UBE2K: variants seen among roughly 807,000 people sequenced by gnomAD.
The protein encoded by UBE2K is ubiquitin-conjugating enzyme E2 K.
Under a neutral mutation model 30.0 loss-of-function variants are expected in UBE2K, and 6 were observed. The observed-to-expected ratio is 0.20, with a 90% confidence interval of 0.11 to 0.39. The LOEUF is 0.39. UBE2K is among the 10% of genes least tolerant of loss of function. The probability of loss-of-function intolerance (pLI) is 1.00; values close to 1 mark genes in which losing one functional copy is unlikely to be tolerated. For synonymous variants in UBE2K, 86 were observed against 83.7 expected (o/e 1.03, Z -0.15); for missense variants, 61 against 241.6 (o/e 0.25, Z 4.96).
chr4:39,746,658 A>G (rs725856), intron 3 of UBE2K, among the ~76,000 whole-genome samples: 16,736 of 152,048 alleles, frequency 0.11, 1,129 homozygotes, highest in East Asian at 0.22. Flanking sequence ...TCCACCCACA[A>G]TGTGGGTCTC....
intron 1 of UBE2K, among the ~76,000 whole-genome samples, chr4:39,721,306 A>T (rs538671484): frequency 1.3e-5 from 2 of 152,286 alleles, no homozygotes; most frequent in Middle Eastern, 3.4e-3. Flanking sequence ...CTTTTTAGGT[A>T]GCTTAGGCAA....
chr4:39,711,687 C>A (rs1718694731), intron 1 of UBE2K, among the ~76,000 whole-genome samples: 1 of 151,826 alleles, frequency 6.6e-6, no homozygotes, highest in Non-Finnish European at 1.5e-5. Flanking sequence ...TCAGCTTCTG[C>A]CTGACTGGAC....
intron 2 of UBE2K, among the ~76,000 whole-genome samples, chr4:39,739,710 G>A (rs865810305): frequency 6.6e-6 from 1 of 152,122 alleles, no homozygotes; most frequent in Non-Finnish European, 1.5e-5. Context: ...CTCCCAAAGT[G>A]CTGAGATTAC....
intron 4 of UBE2K, among the ~76,000 whole-genome samples, chr4:39,758,715 T>A (rs1232493557): frequency 1.3e-5 from 2 of 151,864 alleles, no homozygotes; most frequent in Non-Finnish European, 2.9e-5. Context: ...AGTTTGCAGA[T>A]GAAAACTTCC....
chr4:39,711,363 C>T (rs1294148383), intron 1 of UBE2K, among the ~76,000 whole-genome samples: 2 of 151,416 alleles, frequency 1.3e-5, no homozygotes, highest in South Asian at 2.1e-4. Context: ...AGGGTTTCAC[C>T]GTGTTAGCCT....
chr4:39,760,196 A>AAAAC (rs1711825905), intron 4 of UBE2K, among the ~76,000 whole-genome samples: 2 of 7,918 alleles, frequency 2.5e-4, no homozygotes, highest in African/African-American at 8.8e-4. Context: ...AAAAAAACAG[A>AAAAC]AAAAAAAAAA....
chr4:39,740,407 T>C, intron 2 of UBE2K, among the ~76,000 whole-genome samples: 1 of 151,970 alleles, frequency 6.6e-6, no homozygotes, highest in East Asian at 1.9e-4. Context: ...CCGGGCGAGG[T>C]GGTGGGCGCC....
chr4:39,725,786 G>C (rs893181321), intron 1 of UBE2K, among the ~76,000 whole-genome samples: 1 of 152,070 alleles, frequency 6.6e-6, no homozygotes, highest in African/African-American at 2.4e-5. Flanking sequence ...GGGACTACAG[G>C]TGCACACCAC....
chr4:39,759,536 G>A (rs1033960265), intron 4 of UBE2K, among the ~76,000 whole-genome samples: 3 of 152,112 alleles, frequency 2.0e-5, no homozygotes, highest in African/African-American at 4.8e-5. Flanking sequence ...CACTGGCCTC[G>A]GCCTCCCAGA....
intron 1 of UBE2K, among the ~76,000 whole-genome samples, chr4:39,705,053 T>TTTTTTG (rs1278708498): frequency 6.7e-6 from 1 of 150,010 alleles, no homozygotes; most frequent in Admixed American, 6.7e-5. Context: ...TTTTTTGTTT[T>TTTTTTG]TTTTTGTTTT....
chr4:39,751,068 G>A (rs1721229302), intron 3 of UBE2K, among the ~76,000 whole-genome samples: 2 of 150,788 alleles, frequency 1.3e-5, no homozygotes, highest in African/African-American at 2.4e-5. Context: ...ATTCTTTATT[G>A]GATCATCTGC....
chr4:39,705,872 C>T (rs984739496), intron 1 of UBE2K, among the ~76,000 whole-genome samples: 40 of 140,758 alleles, frequency 2.8e-4, no homozygotes, highest in African/African-American at 9.7e-4. Flanking sequence ...TTTTTTGAGA[C>T]GGAGTCTCGC....
chr4:39,721,754 A>G (rs1719431068), intron 1 of UBE2K, among the ~76,000 whole-genome samples: 2 of 152,218 alleles, frequency 1.3e-5, no homozygotes, highest in East Asian at 1.9e-4. Flanking sequence ...TCTCATGAAT[A>G]TAATTCACTA....
intron 1 of UBE2K, among the ~76,000 whole-genome samples, chr4:39,719,996 G>GT (rs1174546481): frequency 6.6e-6 from 1 of 152,170 alleles, no homozygotes; most frequent in African/African-American, 2.4e-5. Context: ...CATAGGCACT[G>GT]TGAATGTGAG....
At chr4:39,705,612 A>G (rs748274204) in intron 1 of UBE2K, among the ~76,000 whole-genome samples, 51 of 152,162 alleles carry the variant, frequency 3.4e-4, no homozygotes, top group African/African-American at 7.5e-4. Context: ...AAGGATAGAT[A>G]AAAATGGTGG....
intron 3 of UBE2K, among the ~76,000 whole-genome samples, chr4:39,748,653 A>G (rs1409117311): frequency 6.6e-6 from 1 of 151,836 alleles, no homozygotes; most frequent in Non-Finnish European, 1.5e-5. Flanking sequence ...AAAAGCCTCT[A>G]CATCTCTAAT....
intron 1 of UBE2K, among the ~76,000 whole-genome samples, chr4:39,735,596 T>C (rs534087650): frequency 1.8e-4 from 27 of 152,260 alleles, no homozygotes; most frequent in Non-Finnish European, 3.2e-4. Context: ...TTAGCCAGGA[T>C]GGTCTCGATC....
intron 3 of UBE2K, among the ~76,000 whole-genome samples, chr4:39,751,676 AAAAT>A (rs1282984416): frequency 6.6e-6 from 1 of 152,052 alleles, no homozygotes; most frequent in Non-Finnish European, 1.5e-5. Flanking sequence ...CCCTGTCTCA[AAAAT>A]AAATAAAAAA....
chr4:39,740,875 A>C (rs983055386), intron 2 of UBE2K, among the ~76,000 whole-genome samples: 4 of 151,658 alleles, frequency 2.6e-5, no homozygotes, highest in Admixed American at 2.0e-4. Flanking sequence ...AAAAAAAAAA[A>C]AAAAAAAGAT....
Sources: allele counts gnomAD v4.1 joint callset (sites outside exome capture counted in the v4.1 genomes callset), GRCh38; gene constraint gnomAD v4.1.1; transcripts MANE v1.5; gene names NCBI Gene and HGNC (gene_info 2026-07-23, HGNC 2026-07-21).